Variants in ZNF26 observed in about 807,000 individuals in gnomAD.
ZNF26 encodes epididymis luminal protein 179.
A neutral mutation model predicts 54.9 loss-of-function variants in ZNF26; 32 were observed. That is an observed-to-expected ratio of 0.58 (90% CI 0.44 to 0.78). The LOEUF (loss-of-function observed/expected upper bound fraction) is 0.78. ZNF26 is among the 30% of genes least tolerant of loss of function. The pLI is 0.00. For synonymous variants in ZNF26, 221 were observed against 209.2 expected (o/e 1.06, Z -0.49); for missense variants, 524 against 634.0 (o/e 0.83, Z 1.86).
chr12:133,007,265 T>A, intron 2 of ZNF26, 97 bp downstream of exon 2: 1 of 1,481,778 alleles, frequency 6.7e-7, no homozygotes, highest in Non-Finnish European at 9.3e-7. Context: ...AAGTGCTTAA[T>A]GATTATGAAC....
chr12:133,006,917 A>G, intron 1 of ZNF26, 125 bp from the exon 2 acceptor site: 5 of 1,234,958 alleles, frequency 4.0e-6, no homozygotes, highest in Non-Finnish European at 4.6e-6. Context: ...CTCACAAAGT[A>G]AATGCTGAAC....
chr12:132,988,032 G>A (rs902581424), intron 1 of ZNF26, among the ~76,000 whole-genome samples: 3 of 152,134 alleles, frequency 2.0e-5, no homozygotes, highest in East Asian at 1.9e-4. Context: ...TTTTTGAGAC[G>A]GAGTCTCGCT....
chr12:133,001,294 TCTCA>T lies in ZNF26; in HGVS notation c.34-5744_34-5741del, dbSNP rs1209265958. Among the ~76,000 whole-genome samples, 1 of 152,176 alleles carries T rather than the reference TCTCA, an allele frequency of 6.6e-6. No individual in the cohort carries two copies. The highest frequency in any genetic ancestry group is 1.5e-5 in the Non-Finnish European group (1 of 68,020). ...AGGTATGGGAAAGTTCAGTCCACACTCTCACTCCAAGCTCTTGTACCTCCCCTCA... is the reference window on the plus strand; with the variant it reads ...AGGTATGGGAAAGTTCAGTCCACACTCTCCAAGCTCTTGTACCTCCCCTCA... On this transcript the variant is annotated intron_variant, in intron 1 of 3. Coordinates refer to ENST00000328654, the MANE Select transcript of ZNF26 (RefSeq NM_019591.4). The surrounding 1 kb of genome is among the most constrained non-coding windows in gnomAD (Gnocchi z 4.7).
intron 1 of ZNF26, among the ~76,000 whole-genome samples, chr12:132,993,340 A>T (rs1703435962): frequency 6.6e-6 from 1 of 150,944 alleles, no homozygotes; most frequent in African/African-American, 2.4e-5. Flanking sequence ...ATCTGTTCTT[A>T]CATGCTGCCT....
intron 1 of ZNF26, 156 bp from the exon 2 acceptor site, chr12:133,006,886 C>T: frequency 9.7e-7 from 1 of 1,030,958 alleles, no homozygotes; most frequent in Non-Finnish European, 1.4e-6. Flanking sequence ...GCCTGGCACT[C>T]CTTGATTGAT....
At chr12:133,008,250 C>A (rs36072974) in intron 3 of ZNF26, among the ~76,000 whole-genome samples, 5 of 152,068 alleles carry the variant, frequency 3.3e-5, no homozygotes, top group Non-Finnish European at 7.3e-5. Flanking sequence ...CTAAAATTAC[C>A]GTTCTTCCTC....
rs1184241817 is a variant in ZNF26 at position 133,001,762 on chromosome 12, A to G, written c.34-5280A>G. On this transcript the variant is annotated intron_variant, in intron 1 of 3. Coordinates refer to ENST00000328654, the MANE Select transcript of ZNF26 (RefSeq NM_019591.4). The surrounding 1 kb of genome is among the most constrained non-coding windows in gnomAD (Gnocchi z 4.7). The stretch of plus-strand genomic sequence containing the variant: ...CCGCAGGGAGGCGGGGCCCTGTTTG[A>G]GGTGAGCTGCTGAACCCTCACTCCC... 3 of 1,248,876 alleles carry G rather than the reference A, an allele frequency of 2.4e-6. No individual in the cohort carries two copies. In the East Asian group the frequency reaches 1.7e-4, roughly 70 times the overall value. 77.4% of individuals were successfully genotyped at this position (1,248,876 alleles called of 1,614,324 possible).
At chr12:132,988,123 C>G (rs1384610242) in intron 1 of ZNF26, among the ~76,000 whole-genome samples, 1 of 152,182 alleles carries the variant, frequency 6.6e-6, no homozygotes, top group Non-Finnish European at 1.5e-5. Flanking sequence ...ATTCTTGAGC[C>G]TCAGCCTCCC....
intron 1 of ZNF26, among the ~76,000 whole-genome samples, chr12:132,988,911 G>A (rs1241806683): frequency 6.6e-6 from 1 of 150,724 alleles, no homozygotes. Flanking sequence ...ATGGTATTGT[G>A]TTTTTTATTT....
rs925486462 is a variant in ZNF26 at position 132,992,637 on chromosome 12, G to A, written c.33+5764G>A. Among the ~76,000 whole-genome samples the A allele has an allele frequency of 8.5e-5, 13 of 152,234 alleles. No individual in the cohort carries two copies. The East Asian group carries it at 1.7e-3, about 20-fold the overall frequency. ...ATCTCTTTGTCAGAAGTGCATTTTC[G>A]ACTTACAATATGTTCAACTTATAAT... On this transcript the variant is annotated intron_variant, in intron 1 of 3. Coordinates refer to ENST00000328654, the MANE Select transcript of ZNF26 (RefSeq NM_019591.4).
rs1235000181 is a variant in ZNF26 at position 133,019,831 on chromosome 12, C to G, written c.*8350C>G. 6.6e-6 allele frequency: 1 copy of G among 152,352 alleles called. No individual in the cohort carries two copies. Among genetic ancestry groups the G allele is most frequent in the African/African-American group, 2.4e-5 (1 of 41,454 alleles). 9.4% of individuals were successfully genotyped at this position (152,352 alleles called of 1,614,324 possible). A position where few individuals can be genotyped will look rare whatever the true frequency, so the allele number is the denominator to read the frequency against. On this transcript the variant is annotated 3_prime_UTR_variant, in exon 4 of 4. Coordinates refer to ENST00000328654, the MANE Select transcript of ZNF26 (RefSeq NM_019591.4). ...TGAAATCAGGCCAGGCGTGGTGGCTCACGCCTGTAATCCCAGCACTTTGGG... is the reference window on the plus strand; with the variant it reads ...TGAAATCAGGCCAGGCGTGGTGGCTGACGCCTGTAATCCCAGCACTTTGGG...
intron 1 of ZNF26, among the ~76,000 whole-genome samples, chr12:132,987,252 T>C (rs925617222): frequency 2.0e-4 from 31 of 152,240 alleles, no homozygotes; most frequent in Admixed American, 7.2e-4. Flanking sequence ...GGAGTGTCCT[T>C]TTGTCTGCTG....
chr12:132,994,622 G>A (rs1425034080), intron 1 of ZNF26, among the ~76,000 whole-genome samples: 2 of 152,252 alleles, frequency 1.3e-5, no homozygotes, highest in African/African-American at 4.8e-5. Flanking sequence ...TTATTTTTGT[G>A]AAGTTGTATG....
At chr12:132,994,411 T>G (rs970663456) in intron 1 of ZNF26, among the ~76,000 whole-genome samples, 6 of 152,186 alleles carry the variant, frequency 3.9e-5, no homozygotes, top group African/African-American at 1.4e-4. Flanking sequence ...ACTTCCAAAC[T>G]CTTTACATGC....
At chr12:132,997,924 A>G (rs1219677958) in intron 1 of ZNF26, among the ~76,000 whole-genome samples, 1 of 152,216 alleles carries the variant, frequency 6.6e-6, no homozygotes, top group Non-Finnish European at 1.5e-5. Flanking sequence ...TGTAGCCAGG[A>G]AATAATTCAG....
Position 133,006,396 on chromosome 12 carries a change from T to G in ZNF26, c.34-646T>G, listed in dbSNP as rs907114978. On this transcript the variant is annotated intron_variant, in intron 1 of 3. Coordinates refer to ENST00000328654, the MANE Select transcript of ZNF26 (RefSeq NM_019591.4). Reference sequence around the variant, plus strand: ...TTCTAAGACTACTTGAGTGGCTCTCTTCATTTCTGTACAAAATGTACCCTG... The same window carrying G: ...TTCTAAGACTACTTGAGTGGCTCTCGTCATTTCTGTACAAAATGTACCCTG... 122 of 626,034 alleles carry G rather than the reference T, an allele frequency of 1.9e-4. No individual in the cohort carries two copies. The African/African-American group carries it at 2.3e-3, about 12-fold the overall frequency. The allele number at this position is 626,034 out of a possible 1,614,324, so 38.8% of individuals were successfully genotyped here.
rs1380516847 is a variant in ZNF26, at chr12:133,011,174, A to G, written c.1295A>G (p.Glu432Gly). The change falls in exon 4 of 4, where the codon GAG becomes GGG. Residue 432 changes from glutamate to glycine, a missense_variant. Coordinates refer to ENST00000328654, the MANE Select transcript of ZNF26 (RefSeq NM_019591.4). ...AGACCCTATGAATGTAGTTTGTGTG[A>G]GAGAGCCTTTTGTGGAAAATCACAG... ...GERPYECSLC[E>G]RAFCGKSQLI... is the part of the protein sequence containing the mutation. The G allele has an allele frequency of 1.5e-5, 25 of 1,613,992 alleles. No individual in the cohort carries two copies. The highest frequency in any genetic ancestry group is 1.8e-5 in the Non-Finnish European group (21 of 1,180,008).
intron 1 of ZNF26, among the ~76,000 whole-genome samples, chr12:132,991,635 A>C (rs1415080863): frequency 0.014 from 719 of 50,942 alleles, 10 homozygotes; most frequent in African/African-American, 0.03. Flanking sequence ...AACAACAAAA[A>C]AAAAAAAAAC....
At position 133,022,555 on chromosome 12, in the gene ZNF26, T is replaced by C. The variant is rs1953658252; in HGVS notation, c.*11074T>C. 1 of 152,228 alleles carries C rather than the reference T, an allele frequency of 6.6e-6. No homozygotes were observed. Among genetic ancestry groups the C allele is most frequent in the Non-Finnish European group, 1.5e-5 (1 of 68,044 alleles). 9.4% of individuals were successfully genotyped at this position (152,228 alleles called of 1,614,324 possible). On this transcript the variant is annotated 3_prime_UTR_variant, in exon 4 of 4. Coordinates refer to ENST00000328654, the MANE Select transcript of ZNF26 (RefSeq NM_019591.4). ...TTCTGGCTGTGATATACTGTAGTGTTGCAAAATGTTAGCATTGGGGGAAAC... is the reference window on the plus strand; with the variant it reads ...TTCTGGCTGTGATATACTGTAGTGTCGCAAAATGTTAGCATTGGGGGAAAC...
Sources: gnomAD v4.1 joint callset for allele counts (sites outside exome capture counted in the v4.1 genomes callset) on GRCh38, gnomAD v4.1.1 for gene constraint, Gnocchi (gnomAD v3.1) non-coding constraint, MANE v1.5 for transcripts, NCBI Gene and HGNC (gene_info 2026-07-23, HGNC 2026-07-21) for gene names.